The following MGLL variants were observed in gnomAD, a reference collection of about 807,000 sequenced individuals.
MGLL encodes lysophospholipase homolog.
MGLL carries 7 observed loss-of-function variants against 29.1 expected under a neutral mutation model. The observed-to-expected ratio is 0.24, with a 90% confidence interval of 0.14 to 0.45. The LOEUF is 0.45. MGLL is among the 20% of genes least tolerant of loss of function. MGLL has a pLI of 0.99. For missense variants in MGLL, 356 were observed against 413.6 expected (o/e 0.86, Z 1.21); for synonymous variants, 148 against 168.3 (o/e 0.88, Z 0.93).
rs147864757 is a variant in MGLL, at chr3:127,807,863, G to A, written c.155+13831C>T. On this transcript the variant is annotated intron_variant, in intron 2 of 7. Transcript: ENST00000265052. ...TGCAAGCTCCGCCTCCTGGGTTCAC[G>A]CCATTCTCCTGCCTCAGCCTCCTGA... 4.5e-3 allele frequency among the ~76,000 whole-genome samples: 612 copies of A among 135,650 alleles called. 8 individuals are homozygous for A. Among genetic ancestry groups the A allele is most frequent in the African/African-American group, 0.016 (585 of 36,754 alleles). 89.0% of individuals were successfully genotyped at this position (135,650 alleles called of 152,430 possible). A position where few individuals can be genotyped will look rare whatever the true frequency, so the allele number is the denominator to read the frequency against.
chr3:127,817,574 T>C (rs2077779577), intron 2 of MGLL, among the ~76,000 whole-genome samples: 1 of 152,236 alleles, frequency 6.6e-6, no homozygotes, highest in Admixed American at 6.5e-5. Context: ...GTCTGCTCCA[T>C]GCCTTGAACT....
chr3:127,795,934 A>G (rs1452823618), intron 2 of MGLL, among the ~76,000 whole-genome samples: 1 of 152,214 alleles, frequency 6.6e-6, no homozygotes, highest in Non-Finnish European at 1.5e-5. Context: ...TTTTCCAAAT[A>G]TATTAAAATT....
In MGLL at chr3:127,822,333, T is replaced by C. The variant is rs2077877138; in HGVS notation, c.-15A>G. On this transcript the variant is annotated 5_prime_UTR_variant, in exon 1 of 8. Coordinates refer to ENST00000265052, the MANE Select transcript of MGLL (RefSeq NM_007283.7). Reference sequence around the variant, plus strand: ...CCTGTTTCCATTATGTGCTGGCGTTTGCATTCCACAACCACGACAGCCTGG... The same window carrying C: ...CCTGTTTCCATTATGTGCTGGCGTTCGCATTCCACAACCACGACAGCCTGG... 7 of 1,613,746 alleles carry C rather than the reference T, an allele frequency of 4.3e-6. No homozygotes were observed. The highest frequency in any genetic ancestry group is 5.1e-6 in the Non-Finnish European group (6 of 1,179,652).
intron 3 of MGLL, among the ~76,000 whole-genome samples, chr3:127,768,385 T>G (rs2076893465): frequency 6.6e-6 from 1 of 152,162 alleles, no homozygotes. Flanking sequence ...AGTAAATGAC[T>G]GAACCAGGAT....
chr3:127,776,184 A>G (rs911860053), intron 3 of MGLL, among the ~76,000 whole-genome samples: 4 of 152,190 alleles, frequency 2.6e-5, no homozygotes, highest in African/African-American at 7.2e-5. Context: ...GTGGCCTTCC[A>G]TCCTTCCAGG....
chr3:127,760,032 C>T (rs1011677339), intron 3 of MGLL, among the ~76,000 whole-genome samples: 1 of 152,136 alleles, frequency 6.6e-6, no homozygotes, highest in African/African-American at 2.4e-5. Flanking sequence ...TGGTTTTCTG[C>T]GTTGGAGAAA....
intron 3 of MGLL, among the ~76,000 whole-genome samples, chr3:127,769,054 A>C (rs2076905813): frequency 6.6e-6 from 1 of 152,226 alleles, no homozygotes; most frequent in Non-Finnish European, 1.5e-5. Context: ...CTCTGCTAGA[A>C]AGAGTTGGAT....
rs1037223717 is a variant in MGLL at position 127,695,079 on chromosome 3, T to A, written c.712A>T (p.Thr238Ser). The change falls in exon 7 of 8, where the codon ACT (threonine) becomes TCT (serine). Residue 238 changes from threonine (T) to serine (S), a missense_variant. Transcript: ENST00000265052. ...CCCTGGAGCAGCAGGAAGGGCACAG[T>A]CAGCTTGGGGAGGGCGCGCTCCACC... is the stretch of plus-strand genomic sequence containing the variant. ...SRVERALPKL[T>S]VPFLLLQGSA... is the part of the protein sequence containing the mutation. 1 of 1,613,978 alleles carries A rather than the reference T, an allele frequency of 6.2e-7. No individual in the cohort carries two copies. Among genetic ancestry groups the A allele is most frequent in the Non-Finnish European group, 8.5e-7 (1 of 1,180,028 alleles).
At chr3:127,788,312 G>A (rs1038620706) in intron 2 of MGLL, among the ~76,000 whole-genome samples, 7 of 152,100 alleles carry the variant, frequency 4.6e-5, no homozygotes, top group African/African-American at 1.4e-4. Flanking sequence ...CATGATGTGG[G>A]TACTGTTATT....
chr3:127,774,116 A>G (rs2076993930), intron 3 of MGLL, among the ~76,000 whole-genome samples: 1 of 152,160 alleles, frequency 6.6e-6, no homozygotes, highest in Non-Finnish European at 1.5e-5. Flanking sequence ...TGGGCCCACA[A>G]GGCCCCTGCC....
chr3:127,715,996 AT>A (rs1302110579), intron 5 of MGLL: 2 of 364,734 alleles, frequency 5.5e-6, no homozygotes, highest in African/African-American at 4.3e-5. Context: ...TGGCTCCCCC[AT>A]TGAGGTGAGA....
chr3:127,794,890 G>A (rs756228288), intron 2 of MGLL, among the ~76,000 whole-genome samples: 5 of 152,120 alleles, frequency 3.3e-5, no homozygotes, highest in African/African-American at 1.2e-4. Context: ...TCTTTTGCTC[G>A]TCCTTTTGGA....
intron 5 of MGLL, chr3:127,711,504 G>C (rs1189818390): frequency 6.6e-6 from 1 of 152,286 alleles, no homozygotes; most frequent in Non-Finnish European, 1.5e-5. Flanking sequence ...GAGAGGGGCT[G>C]TTTTCATTTC....
intron 3 of MGLL, among the ~76,000 whole-genome samples, chr3:127,723,618 C>T (rs1423391711): frequency 6.6e-6 from 1 of 152,168 alleles, no homozygotes; most frequent in African/African-American, 2.4e-5. Flanking sequence ...CTCAGCAGCA[C>T]TCCCCCTTTC....
intron 2 of MGLL, among the ~76,000 whole-genome samples, chr3:127,801,815 A>C (rs78550392): frequency 6.8e-6 from 1 of 147,836 alleles, no homozygotes; most frequent in East Asian, 1.9e-4. Context: ...TTATAATATA[A>C]AATATTTATA....
intron 3 of MGLL, among the ~76,000 whole-genome samples, chr3:127,771,772 G>C (rs544834672): frequency 6.6e-6 from 1 of 152,202 alleles, no homozygotes; most frequent in Non-Finnish European, 1.5e-5. Context: ...TTAACTCAAG[G>C]GGCATTTGAA....
chr3:127,721,079 T>C lies in MGLL; in HGVS notation c.484A>G (p.Asn162Asp). Residue 162 changes from asparagine to aspartate, a missense_variant, in exon 5 of 8, where the codon AAT (asparagine) becomes GAT (aspartate). Transcript: ENST00000265052. ...MVLISPLVLA[N>D]PESATTFKVL... Reference sequence around the variant, plus strand: ...TTGAAAGTTGTTGCAGATTCAGGATTGGCAAGAACCAGAGGCGAAATGAGT... The same window carrying C: ...TTGAAAGTTGTTGCAGATTCAGGATCGGCAAGAACCAGAGGCGAAATGAGT... The C allele has an allele frequency of 3.1e-6, 5 of 1,614,248 alleles. No homozygotes were observed. Among genetic ancestry groups the C allele is most frequent in the Non-Finnish European group, 4.2e-6 (5 of 1,180,034 alleles).
At chr3:127,805,167 A>G (rs2077543887) in intron 2 of MGLL, among the ~76,000 whole-genome samples, 1 of 152,190 alleles carries the variant, frequency 6.6e-6, no homozygotes, top group Non-Finnish European at 1.5e-5. Flanking sequence ...ATCTTATGTA[A>G]CATTCATTTT....
intron 2 of MGLL, among the ~76,000 whole-genome samples, chr3:127,793,250 G>A (rs894065951): frequency 6.6e-6 from 1 of 152,230 alleles, no homozygotes; most frequent in African/African-American, 2.4e-5. Context: ...TCTGTAACTT[G>A]CATGAGTCTA....
Sources: allele counts gnomAD v4.1 joint callset (sites outside exome capture counted in the v4.1 genomes callset), GRCh38; gene constraint gnomAD v4.1.1; transcripts MANE v1.5; gene names NCBI Gene and HGNC (gene_info 2026-07-23, HGNC 2026-07-21).